TOGARAM1: variants seen among roughly 807,000 people sequenced by gnomAD.
TOGARAM1 encodes TOG array regulator of axonemal microtubules protein 1.
TOGARAM1 carries 100 observed loss-of-function variants against 166.6 expected under a neutral mutation model. The ratio of observed to expected loss-of-function variants is 0.60; its 90% CI spans 0.51 to 0.71. The LOEUF (loss-of-function observed/expected upper bound fraction) is 0.71. Ranked by LOEUF, TOGARAM1 falls within the 30% of genes least tolerant of loss-of-function variation. The probability of loss-of-function intolerance (pLI) is 0.00; values close to 1 mark genes in which losing one functional copy is unlikely to be tolerated. For synonymous variants in TOGARAM1, 758 were observed against 763.8 expected (o/e 0.99, Z 0.13); for missense variants, 2,029 against 2,102.7 (o/e 0.96, Z 0.69).
At chr14:45,014,765 A>G (rs1294992541) in intron 7 of TOGARAM1, among the ~76,000 whole-genome samples, 2 of 152,232 alleles carry the variant, frequency 1.3e-5, no homozygotes, top group Non-Finnish European at 2.9e-5. Flanking sequence ...CTATTAATAG[A>G]AAACATTTCC....
chr14:45,024,483 A>G (rs988368431), intron 7 of TOGARAM1, among the ~76,000 whole-genome samples: 2 of 152,218 alleles, frequency 1.3e-5, no homozygotes, highest in Admixed American at 1.3e-4. Context: ...ATTAAAAATG[A>G]TTAATGACAG....
intron 7 of TOGARAM1, 101 bp downstream of exon 7, chr14:45,012,176 A>G (rs1414290516): frequency 1.5e-6 from 1 of 663,374 alleles, no homozygotes; most frequent in South Asian, 2.8e-5. Context: ...TGTTGTGCAT[A>G]CTGGTTAAGA....
rs184966778 is a variant in TOGARAM1, at chr14:45,031,551, A to G, written c.3659-672A>G. Among the ~76,000 whole-genome samples the G allele has an allele frequency of 1.7e-4, 26 of 152,340 alleles. 1 individual carries two copies. The East Asian group carries it at 3.7e-3, about 21-fold the overall frequency. ...GAACCTTCATCTTCACTTCTCAGTT[A>G]TAAAACAGGTATATATCCACATTTT... is the stretch of plus-strand genomic sequence containing the variant. On this transcript the variant is annotated intron_variant, in intron 10 of 19. Coordinates refer to ENST00000361462, the MANE Select transcript of TOGARAM1 (RefSeq NM_001308120.2).
chr14:44,989,088 G>A (rs1176608781), intron 1 of TOGARAM1, among the ~76,000 whole-genome samples: 1 of 152,022 alleles, frequency 6.6e-6, no homozygotes, highest in African/African-American at 2.4e-5. Flanking sequence ...TACCATTTAG[G>A]GATAACACAT....
rs546395339 is a variant in TOGARAM1, at chr14:45,067,759, A to T, written c.4750-665A>T. On this transcript the variant is annotated intron_variant, in intron 17 of 19. Coordinates refer to ENST00000361462, the MANE Select transcript of TOGARAM1 (RefSeq NM_001308120.2). ...GAAGATTATTCTTAACATGAAAAAT[A>T]ATAAATAAGTATTAGAAATTATTAG... Among the ~76,000 whole-genome samples the T allele has an allele frequency of 4.1e-4, 62 of 152,256 alleles. 1 individual carries two copies. Among genetic ancestry groups the T allele is most frequent in the African/African-American group, 1.4e-3 (60 of 41,576 alleles).
At chr14:45,013,122 G>A (rs184958800) in intron 7 of TOGARAM1, among the ~76,000 whole-genome samples, 3 of 152,192 alleles carry the variant, frequency 2.0e-5, no homozygotes, top group Admixed American at 6.5e-5. Context: ...ACCACCATCA[G>A]TACCATTTCC....
Position 44,962,212 on chromosome 14 carries a change from C to G in TOGARAM1, c.-210C>G, listed in dbSNP as rs940447654. ...GTCACGTGGTGCCCTTGGTTACGCC[C>G]GGTGGCAGCTGTGGGGTCTAGGGCT... On this transcript the variant is annotated 5_prime_UTR_variant, in exon 1 of 20. Transcript: ENST00000361462. 5 of 517,468 alleles carry G rather than the reference C, an allele frequency of 9.7e-6. No homozygotes were observed. The highest frequency in any genetic ancestry group is 1.7e-5 in the Non-Finnish European group (5 of 300,166). 32.1% of individuals were successfully genotyped at this position (517,468 alleles called of 1,614,324 possible).
chr14:45,008,900 C>A lies in TOGARAM1; in HGVS notation c.2905-13C>A. The A allele has an allele frequency of 6.3e-7, 1 of 1,580,586 alleles. No individual in the cohort carries two copies. Among genetic ancestry groups the A allele is most frequent in the South Asian group, 1.2e-5 (1 of 86,184 alleles). Reference sequence around the variant, plus strand: ...TTTATGTTATAAAGTTTATTGTTTTCATTTTTTCTTAGATGCATAGCTCTC... The same window carrying A: ...TTTATGTTATAAAGTTTATTGTTTTAATTTTTTCTTAGATGCATAGCTCTC... On this transcript the variant is annotated splice_polypyrimidine_tract_variant and intron_variant, in intron 5 of 19. Coordinates refer to ENST00000361462, the MANE Select transcript of TOGARAM1 (RefSeq NM_001308120.2).
At chr14:45,068,891 G>C (rs1368256703) in intron 18 of TOGARAM1, among the ~76,000 whole-genome samples, 2 of 151,246 alleles carry the variant, frequency 1.3e-5, no homozygotes, top group African/African-American at 4.9e-5. Context: ...CCTCACATCT[G>C]CTAACAAAAC....
chr14:45,032,248 A>G lies in TOGARAM1; in HGVS notation c.3684A>G (p.Ser1228=), dbSNP rs1273767659. ...GTGAAACACCTACTGGAGCTATTTCACAGTATAAAGAAAGGATGCCTTCTG... is the reference window on the plus strand; with the variant it reads ...GTGAAACACCTACTGGAGCTATTTCGCAGTATAAAGAAAGGATGCCTTCTG... ...SESETPTGAI[S]QYKERMPSVT... is the part of the protein sequence containing the mutation. Residue 1228 remains serine, a synonymous_variant, in exon 11 of 20, where the codon TCA becomes TCG. Coordinates refer to ENST00000361462, the MANE Select transcript of TOGARAM1 (RefSeq NM_001308120.2). 2 of 1,613,010 alleles carry G rather than the reference A, an allele frequency of 1.2e-6. No individual in the cohort carries two copies. The highest frequency in any genetic ancestry group is 1.7e-6 in the Non-Finnish European group (2 of 1,179,732).
At chr14:45,049,602 C>G (rs1039143532) in intron 14 of TOGARAM1, among the ~76,000 whole-genome samples, 22 of 152,088 alleles carry the variant, frequency 1.4e-4, no homozygotes, top group African/African-American at 5.3e-4. Context: ...TAGATTAATT[C>G]CACCAGATCA....
At chr14:44,982,054 G>C (rs1345099567) in intron 1 of TOGARAM1, among the ~76,000 whole-genome samples, 1 of 151,992 alleles carries the variant, frequency 6.6e-6, no homozygotes, top group African/African-American at 2.4e-5. Context: ...TGTTGGCCAG[G>C]CTGGTCTTGA....
rs775363525 is a variant in TOGARAM1, at chr14:45,068,508, C to G, written c.4834C>G (p.Pro1612Ala). ...TCTGGAAACAATGCACAAAATGATT[C>G]CTCTACTTAGAGACCACTTATCTCC... ...VALETMHKMIPLLRDHLSPII... is the reference protein window; with the variant it reads ...VALETMHKMIALLRDHLSPII... Residue 1612 changes from proline (P) to alanine (A), a missense_variant, in exon 18 of 20, where the codon CCT (proline) becomes GCT (alanine). Transcript: ENST00000361462. 2 of 1,613,406 alleles carry G rather than the reference C, an allele frequency of 1.2e-6. No individual in the cohort carries two copies. Among genetic ancestry groups the G allele is most frequent in the Non-Finnish European group, 1.7e-6 (2 of 1,179,660 alleles).
intron 16 of TOGARAM1, among the ~76,000 whole-genome samples, chr14:45,066,145 A>G (rs552737279): frequency 2.0e-5 from 3 of 152,246 alleles, no homozygotes; most frequent in Admixed American, 6.5e-5. Context: ...AACTCTAGAC[A>G]TGAGGCCTCT....
chr14:45,065,745 T>C (rs1349832720), intron 16 of TOGARAM1, among the ~76,000 whole-genome samples: 1 of 152,210 alleles, frequency 6.6e-6, no homozygotes, highest in Non-Finnish European at 1.5e-5. Flanking sequence ...TTGGTTGACA[T>C]CTGGGAACTT....
chr14:44,989,101 AAC>A (rs760498914), intron 1 of TOGARAM1, among the ~76,000 whole-genome samples: 39 of 152,376 alleles, frequency 2.6e-4, no homozygotes, highest in Non-Finnish European at 4.6e-4. Context: ...TAACACATTA[AAC>A]AGCAATACAT....
Position 45,044,838 on chromosome 14 carries a change from T to C in TOGARAM1, c.4122T>C (p.Arg1374=), listed in dbSNP as rs1354050156. Residue 1374 remains arginine, a synonymous_variant, in exon 13 of 20, where the codon CGT becomes CGC. Transcript: ENST00000361462. ...TGGTTAATAATGTAACTCCTGCACGTGCAGTTGTTTCTCTTATCAATGGTG... is the reference window on the plus strand; with the variant it reads ...TGGTTAATAATGTAACTCCTGCACGCGCAGTTGTTTCTCTTATCAATGGTG... The part of the protein sequence containing the change: ...RAMVNNVTPA[R]AVVSLINGGQ... The C allele has an allele frequency of 6.2e-7, 1 of 1,613,328 alleles. No individual in the cohort carries two copies.
Position 44,999,391 on chromosome 14 carries a change from T to G in TOGARAM1, c.2232T>G (p.Leu744=). 1 of 1,610,232 alleles carries G rather than the reference T, an allele frequency of 6.2e-7. No homozygotes were observed. The highest frequency in any genetic ancestry group is 8.5e-7 in the Non-Finnish European group (1 of 1,177,692). Residue 744 remains leucine, a synonymous_variant, in exon 3 of 20, where the codon CTT becomes CTG. Coordinates refer to ENST00000361462, the MANE Select transcript of TOGARAM1 (RefSeq NM_001308120.2). ...CTACTGGGACTCATCAAACAAATCTTTCTGGGAAATGTGCACAACTTGGAT... is the reference window on the plus strand; with the variant it reads ...CTACTGGGACTCATCAAACAAATCTGTCTGGGAAATGTGCACAACTTGGAT... ...AGTTGTHQTN[L]SGKCAQLGFS...
At chr14:45,031,371 T>C (rs1022941198) in intron 10 of TOGARAM1, among the ~76,000 whole-genome samples, 2 of 152,240 alleles carry the variant, frequency 1.3e-5, no homozygotes. Flanking sequence ...TCTCAGCTTA[T>C]AGTACAGTGC....
Sources: gnomAD v4.1 joint callset for allele counts (sites outside exome capture counted in the v4.1 genomes callset) on GRCh38, gnomAD v4.1.1 for gene constraint, MANE v1.5 for transcripts, NCBI Gene and HGNC (gene_info 2026-07-23, HGNC 2026-07-21) for gene names.